Variants in GNG7 observed in about 807,000 individuals in gnomAD.
GNG7 encodes the protein G protein subunit gamma 7.
In GNG7, 1 loss-of-function variant was observed where a neutral mutation model predicts 4.0. That is an observed-to-expected ratio of 0.25 (90% CI 0.09 to 1.18). The LOEUF is 1.18. Ranked by LOEUF, GNG7 falls within the 50% of genes most tolerant of loss-of-function variation. The probability of loss-of-function intolerance (pLI) is 0.50; values close to 1 mark genes in which losing one functional copy is unlikely to be tolerated. For missense variants in GNG7, 86 were observed against 91.9 expected (o/e 0.94, Z 0.26); for synonymous variants, 34 against 36.9 (o/e 0.92, Z 0.29).
At chr19:2,594,429 AG>A (rs1980951504) in intron 2 of GNG7, among the ~76,000 whole-genome samples, 1 of 140,110 alleles carries the variant, frequency 7.1e-6, no homozygotes, top group Non-Finnish European at 1.5e-5. Flanking sequence ...GAAGGAAGGA[AG>A]GAAGGAAGGA....
At chr19:2,567,114 AAAAAAAAAC>A (rs1416748036) in intron 2 of GNG7, among the ~76,000 whole-genome samples, 124 of 65,274 alleles carry the variant, frequency 1.9e-3, no homozygotes, top group Non-Finnish European at 2.8e-3. Context: ...TCCGTCTCAA[AAAAAAAAAC>A]AAAAAAAACA....
intron 2 of GNG7, among the ~76,000 whole-genome samples, chr19:2,641,171 C>T (rs1295809694): frequency 1.3e-5 from 2 of 152,148 alleles, no homozygotes; most frequent in Admixed American, 6.5e-5. Flanking sequence ...CAGATCCCCA[C>T]GGGGAGCCTC....
At chr19:2,566,577 C>T (rs1979916339) in intron 2 of GNG7, among the ~76,000 whole-genome samples, 1 of 152,184 alleles carries the variant, frequency 6.6e-6, no homozygotes, top group Non-Finnish European at 1.5e-5. Flanking sequence ...CAGCAATGGT[C>T]GGGGGACACC....
At chr19:2,672,644 C>T (rs1320118273) in intron 1 of GNG7, among the ~76,000 whole-genome samples, 1 of 152,018 alleles carries the variant, frequency 6.6e-6, no homozygotes, top group Non-Finnish European at 1.5e-5. Context: ...TAGGGTTTCA[C>T]CATGTTGGCC....
chr19:2,571,410 T>C (rs1980141994), intron 2 of GNG7, among the ~76,000 whole-genome samples: 2 of 152,126 alleles, frequency 1.3e-5, no homozygotes, highest in Non-Finnish European at 2.9e-5. Context: ...CTTGTTCTGA[T>C]TGCAGAACTG....
chr19:2,525,275 G>A (rs905406482), intron 3 of GNG7, among the ~76,000 whole-genome samples: 7 of 152,180 alleles, frequency 4.6e-5, no homozygotes, highest in Non-Finnish European at 7.4e-5. Flanking sequence ...CAGTCCCCAC[G>A]GCTCCCTCCT....
At chr19:2,594,161 A>G (rs377536385) in intron 2 of GNG7, among the ~76,000 whole-genome samples, 4 of 152,118 alleles carry the variant, frequency 2.6e-5, no homozygotes, top group African/African-American at 9.7e-5. Context: ...ACCTGAGCTC[A>G]GGAGTTCGAG....
rs1250275655 is a variant in GNG7 at position 2,546,098 on chromosome 19, C to T, written c.-38+9051G>A. Among the ~76,000 whole-genome samples the T allele has an allele frequency of 6.6e-6, 1 of 152,190 alleles. No individual in the cohort carries two copies. The highest frequency in any genetic ancestry group is 1.5e-5 in the Non-Finnish European group (1 of 68,032). On this transcript the variant is annotated intron_variant, in intron 3 of 4. Transcript: ENST00000382159. This position sits in a 1 kb window ranked among gnomAD's most constrained non-coding sequence, Gnocchi z 6.3. Reference sequence around the variant, plus strand: ...GTCCCCTGGCAGCTGGGATGCAGGCCCCCCACGGCCTGCCATGTTCTCACC... The same window carrying T: ...GTCCCCTGGCAGCTGGGATGCAGGCTCCCCACGGCCTGCCATGTTCTCACC...
At chr19:2,548,284 G>T (rs1398645210) in intron 3 of GNG7, among the ~76,000 whole-genome samples, 1 of 151,984 alleles carries the variant, frequency 6.6e-6, no homozygotes, top group East Asian at 1.9e-4. Context: ...TTCGAGACCA[G>T]CCTGGGCAAC....
chr19:2,624,325 C>T (rs989078394), intron 2 of GNG7, among the ~76,000 whole-genome samples: 2 of 151,602 alleles, frequency 1.3e-5, no homozygotes, highest in African/African-American at 2.4e-5. Context: ...GTCAGGAGAT[C>T]GAGACCATCC....
intron 2 of GNG7, among the ~76,000 whole-genome samples, chr19:2,570,292 A>G (rs1312698381): frequency 6.6e-6 from 1 of 152,068 alleles, no homozygotes; most frequent in African/African-American, 2.4e-5. Flanking sequence ...GGTCTGTAGA[A>G]CTGTATGGTC....
rs1355236552 is a variant in GNG7, at chr19:2,546,165, G to A, written c.-38+8984C>T. ...GACCCACGCAGAGCCCGGGGAGCCC[G>A]ACTGAAATGGAAACTTCAATACAAG... On this transcript the variant is annotated intron_variant, in intron 3 of 4. Coordinates refer to ENST00000382159, the MANE Select transcript of GNG7 (RefSeq NM_052847.3). The surrounding 1 kb of genome is among the most constrained non-coding windows in gnomAD (Gnocchi z 6.3). Among the ~76,000 whole-genome samples, 4 of 152,304 alleles carry A rather than the reference G, an allele frequency of 2.6e-5. No individual in the cohort carries two copies. The highest frequency in any genetic ancestry group is 1.9e-4 in the East Asian group (1 of 5,182).
At chr19:2,608,475 A>C (rs966302930) in intron 2 of GNG7, among the ~76,000 whole-genome samples, 4 of 152,074 alleles carry the variant, frequency 2.6e-5, no homozygotes, top group African/African-American at 9.7e-5. Flanking sequence ...CCCCCAAATG[A>C]CGCAGGTCAG....
chr19:2,523,857 C>G (rs1307327863), intron 3 of GNG7, among the ~76,000 whole-genome samples: 1 of 152,152 alleles, frequency 6.6e-6, no homozygotes, highest in Non-Finnish European at 1.5e-5. Flanking sequence ...TGACACCGCC[C>G]AGCCTCCTTG....
At chr19:2,522,274 G>A (rs1024597101) in intron 3 of GNG7, among the ~76,000 whole-genome samples, 1 of 152,094 alleles carries the variant, frequency 6.6e-6, no homozygotes, top group Non-Finnish European at 1.5e-5. Context: ...GAGGGGGTTG[G>A]TGCTGATGGG....
At chr19:2,641,998 A>G (rs1391987145) in intron 2 of GNG7, 3 of 152,568 alleles carry the variant, frequency 2.0e-5, no homozygotes, top group East Asian at 3.9e-4. Flanking sequence ...GCGCTGTCAG[A>G]TAATAACTGT....
chr19:2,626,448 G>A lies in GNG7; in HGVS notation c.-78+19776C>T, dbSNP rs780480750. On this transcript the variant is annotated intron_variant, in intron 2 of 4. Transcript: ENST00000382159. This position sits in a 1 kb window ranked among gnomAD's most constrained non-coding sequence, Gnocchi z 5.0. ...CCCGCTATGGCTCCCTCCTGCCCTC[G>A]GGATAAAATGCAGCCTCTGCCGTGC... 1.3e-5 allele frequency among the ~76,000 whole-genome samples: 2 copies of A among 152,130 alleles called. No individual in the cohort carries two copies. The highest frequency in any genetic ancestry group is 1.9e-4 in the East Asian group (1 of 5,200).
intron 1 of GNG7, among the ~76,000 whole-genome samples, chr19:2,663,663 C>T (rs1442259661): frequency 6.6e-6 from 1 of 152,002 alleles, no homozygotes; most frequent in East Asian, 1.9e-4. Flanking sequence ...ATGCAAAAGC[C>T]CAGATGGATA....
At chr19:2,518,886 C>T (rs1978294498) in intron 4 of GNG7, among the ~76,000 whole-genome samples, 2 of 152,120 alleles carry the variant, frequency 1.3e-5, no homozygotes, top group East Asian at 1.9e-4. Context: ...ACCTCTGCCT[C>T]TCGGGTTCAA....
Sources: allele counts gnomAD v4.1 joint callset (sites outside exome capture counted in the v4.1 genomes callset), GRCh38; gene constraint gnomAD v4.1.1; non-coding constraint Gnocchi (gnomAD v3.1); transcripts MANE v1.5; gene names NCBI Gene and HGNC (gene_info 2026-07-23, HGNC 2026-07-21).